Variants in QRSL1 observed in about 807,000 individuals in gnomAD.
QRSL1 encodes the protein glutamyl-tRNA(Gln) amidotransferase subunit A, mitochondrial.
A neutral mutation model predicts 61.6 loss-of-function variants in QRSL1; 54 were observed. The ratio of observed to expected loss-of-function variants is 0.88; its 90% CI spans 0.70 to 1.10. The LOEUF (loss-of-function observed/expected upper bound fraction) is 1.10, where lower values mean the gene tolerates loss of function less well. Ranked by LOEUF, QRSL1 falls within the 50% of genes least tolerant of loss-of-function variation. The probability of loss-of-function intolerance (pLI) is 0.00; values close to 1 mark genes in which losing one functional copy is unlikely to be tolerated. For synonymous variants in QRSL1, 228 were observed against 225.7 expected (o/e 1.01, Z -0.09); for missense variants, 505 against 622.6 (o/e 0.81, Z 2.01).
chr6:106,652,315 C>T lies in QRSL1; in HGVS notation c.664C>T (p.Pro222Ser). 6.2e-7 allele frequency: 1 copy of T among 1,614,158 alleles called. No homozygotes were observed. Among genetic ancestry groups the T allele is most frequent in the Non-Finnish European group, 8.5e-7 (1 of 1,180,036 alleles). Reference sequence around the variant, plus strand: ...CTTAGTTTCCCGTCATGGTCTCATTCCCCTGGTGAATTCGATGGATGTGCC... The same window carrying T: ...CTTAGTTTCCCGTCATGGTCTCATTTCCCTGGTGAATTCGATGGATGTGCC... Reference protein sequence around the residue: ...YGLVSRHGLIPLVNSMDVPGI... With the variant: ...YGLVSRHGLISLVNSMDVPGI... Residue 222 changes from proline to serine, a missense_variant, in exon 6 of 11, where the codon CCC becomes TCC. Physicochemically the swap from Pro to Ser is moderately conservative, Grantham distance 74. Transcript: ENST00000369046.
At chr6:106,662,925 A>C (rs1777379075) in intron 9 of QRSL1, 55 bp from the exon 10 acceptor site, 2 of 1,404,016 alleles carry the variant, frequency 1.4e-6, no homozygotes, top group African/African-American at 2.9e-5. Flanking sequence ...AAGATAATTG[A>C]TTAAAAGAAA....
intron 1 of QRSL1, 86 bp from the exon 2 acceptor site, chr6:106,640,263 C>T (rs1344259247): frequency 5.0e-6 from 6 of 1,202,578 alleles, no homozygotes; most frequent in Non-Finnish European, 7.3e-6. Context: ...TATACTTAGC[C>T]ACTCCATCTC....
rs1777446929 is a variant in QRSL1, at chr6:106,666,991, A to T, written c.*989A>T. 1 of 152,226 alleles carries T rather than the reference A, an allele frequency of 6.6e-6. No homozygotes were observed. The highest frequency in any genetic ancestry group is 2.1e-4 in the South Asian group (1 of 4,830). The allele number at this position is 152,226 out of a possible 1,614,324, so 9.4% of individuals were successfully genotyped here. On this transcript the variant is annotated 3_prime_UTR_variant, in exon 11 of 11. Transcript: ENST00000369046. Reference sequence around the variant, plus strand: ...TTTTACTTCTGCTATTCCGGAGCCCATGCCTAGAAGCCAGAACAACTCCAT... The same window carrying T: ...TTTTACTTCTGCTATTCCGGAGCCCTTGCCTAGAAGCCAGAACAACTCCAT...
Position 106,640,810 on chromosome 6 carries a change from CTTT to C in QRSL1, c.185-10_185-8del. 1 of 1,604,100 alleles carries C rather than the reference CTTT, an allele frequency of 6.2e-7. No individual in the cohort carries two copies. Among genetic ancestry groups the C allele is most frequent in the Non-Finnish European group, 8.5e-7 (1 of 1,171,912 alleles). On this transcript the variant is annotated splice_polypyrimidine_tract_variant and intron_variant, in intron 2 of 10. Coordinates refer to ENST00000369046, the MANE Select transcript of QRSL1 (RefSeq NM_018292.5). Reference sequence around the variant, plus strand: ...ACTATCTCCTTTATCACTCTTTTGGCTTTTTAATGCAGGACAGTCACTTGGGGA... The same window carrying C: ...ACTATCTCCTTTATCACTCTTTTGGCTTAATGCAGGACAGTCACTTGGGGA...
At chr6:106,655,533 A>AT in intron 8 of QRSL1, 82 bp from the exon 9 acceptor site, 1 of 778,894 alleles carries the variant, frequency 1.3e-6, no homozygotes, top group Non-Finnish European at 2.1e-6. Flanking sequence ...AAAAAAAAAA[A>AT]GTGAATCTAG....
rs1053317319 is a variant in QRSL1, at chr6:106,667,623, G to A, written c.*1621G>A. 3.3e-5 allele frequency: 5 copies of A among 152,036 alleles called. No individual in the cohort carries two copies. Among genetic ancestry groups the A allele is most frequent in the East Asian group, 1.9e-4 (1 of 5,196 alleles). 9.4% of individuals were successfully genotyped at this position (152,036 alleles called of 1,614,324 possible). On this transcript the variant is annotated 3_prime_UTR_variant, in exon 11 of 11. Transcript: ENST00000369046. ...TGCAGAACCACTGGAATGTTTCATC[G>A]TCACCTGTTAGTTTTCATAAACAGT...
chr6:106,634,627 A>G (rs1160823159), intron 1 of QRSL1, among the ~76,000 whole-genome samples: 1 of 152,104 alleles, frequency 6.6e-6, no homozygotes. Context: ...TTAGCTGGGC[A>G]TGGTGGTGCA....
intron 4 of QRSL1, among the ~76,000 whole-genome samples, chr6:106,647,570 AAAGAG>A (rs1777129033): frequency 6.6e-6 from 1 of 151,006 alleles, no homozygotes. Context: ...AAAAAAAAAA[AAAGAG>A]AGAGACAATG....
At chr6:106,641,734 A>G (rs560641766) in intron 3 of QRSL1, among the ~76,000 whole-genome samples, 1 of 152,264 alleles carries the variant, frequency 6.6e-6, no homozygotes, top group Non-Finnish European at 1.5e-5. Context: ...ATCTATTTCT[A>G]CTGGAAATAC....
In QRSL1 at chr6:106,640,844, A is replaced by G. The variant is rs781313013; in HGVS notation, c.206A>G (p.Asp69Gly). The G allele has an allele frequency of 3.7e-6, 6 of 1,613,722 alleles. No homozygotes were observed. Among genetic ancestry groups the G allele is most frequent in the Non-Finnish European group, 5.1e-6 (6 of 1,179,804 alleles). The change falls in exon 3 of 11, where the codon GAT becomes GGT. Residue 69 changes from aspartate to glycine, a missense_variant. By Grantham distance (94) the Asp-to-Gly change is moderately conservative. Transcript: ENST00000369046. ...YKNGQSLGDLDGIPIAVKDNF... is the reference protein window; with the variant it reads ...YKNGQSLGDLGGIPIAVKDNF... ...GCAGGACAGTCACTTGGGGATTTAG[A>G]TGGAATTCCTATTGCAGTAAAAGAC...
chr6:106,666,742 C>T lies in QRSL1; in HGVS notation c.*740C>T, dbSNP rs1222194349. 6.6e-6 allele frequency: 1 copy of T among 152,236 alleles called. No individual in the cohort carries two copies. The highest frequency in any genetic ancestry group is 1.5e-5 in the Non-Finnish European group (1 of 68,128). 9.4% of individuals were successfully genotyped at this position (152,236 alleles called of 1,614,324 possible). ...GCCGCCTCAGGGGTTGTTAAAAATGCACAGAAACAATTGAGTGCGATTATT... is the reference window on the plus strand; with the variant it reads ...GCCGCCTCAGGGGTTGTTAAAAATGTACAGAAACAATTGAGTGCGATTATT... On this transcript the variant is annotated 3_prime_UTR_variant, in exon 11 of 11. Transcript: ENST00000369046.
intron 4 of QRSL1, among the ~76,000 whole-genome samples, chr6:106,646,290 G>A (rs1777104037): frequency 6.6e-6 from 1 of 152,142 alleles, no homozygotes; most frequent in Non-Finnish European, 1.5e-5. Flanking sequence ...TGGACGTTAT[G>A]TGCCTCCAGA....
rs781490163 is a variant in QRSL1 at position 106,654,773 on chromosome 6, G to A, written c.893G>A (p.Trp298Ter). The A allele has an allele frequency of 8.1e-6, 13 of 1,612,600 alleles. No homozygotes were observed. In the South Asian group the frequency reaches 1.4e-4, roughly 18 times the overall value. ...TTATCAAGTGAAGTACAGTCTCTTTGGTCCAAAGCTGCTGACCTCTTTGAG... is the reference window on the plus strand; with the variant it reads ...TTATCAAGTGAAGTACAGTCTCTTTAGTCCAAAGCTGCTGACCTCTTTGAG... ...PELSSEVQSL[W>*]SKAADLFESE... The change falls in exon 8 of 11, where the codon TGG (tryptophan) becomes TAG (stop). Residue 298 changes from tryptophan to a stop codon, truncating the protein, a stop_gained. Coordinates refer to ENST00000369046, the MANE Select transcript of QRSL1 (RefSeq NM_018292.5). LOFTEE classifies it high-confidence loss of function.
chr6:106,641,918 A>G (rs1034835835), intron 3 of QRSL1, among the ~76,000 whole-genome samples: 1 of 152,274 alleles, frequency 6.6e-6, no homozygotes, highest in Non-Finnish European at 1.5e-5. Flanking sequence ...GGCACAGACT[A>G]TCTTTGGAAA....
intron 9 of QRSL1, among the ~76,000 whole-genome samples, chr6:106,661,115 G>GT (rs1280891208): frequency 6.8e-6 from 1 of 146,308 alleles, no homozygotes; most frequent in South Asian, 2.3e-4. Flanking sequence ...GTTTTGTTTT[G>GT]TTTTGTTTTT....
intron 4 of QRSL1, among the ~76,000 whole-genome samples, chr6:106,648,518 T>G (rs1777148617): frequency 6.6e-6 from 1 of 152,138 alleles, no homozygotes; most frequent in Admixed American, 6.5e-5. Flanking sequence ...AGCACACAAG[T>G]AGTAAAGCAA....
At chr6:106,660,486 T>C (rs1777339914) in intron 9 of QRSL1, among the ~76,000 whole-genome samples, 1 of 152,198 alleles carries the variant, frequency 6.6e-6, no homozygotes, top group Admixed American at 6.5e-5. Context: ...TTACTTCATT[T>C]GTTTCTCTTC....
At chr6:106,640,039 G>A in intron 1 of QRSL1, 1 of 214,044 alleles carries the variant, frequency 4.7e-6, no homozygotes, top group East Asian at 1.2e-4. Context: ...CTTCACCCAT[G>A]CTGGGCCTCA....
chr6:106,633,950 A>T (rs1046726659), intron 1 of QRSL1, among the ~76,000 whole-genome samples: 7 of 65,652 alleles, frequency 1.1e-4, no homozygotes, highest in African/African-American at 8.8e-4. Flanking sequence ...AAACACTTTA[A>T]AAAAAAAAAA....
Sources: allele counts gnomAD v4.1 joint callset (sites outside exome capture counted in the v4.1 genomes callset), GRCh38; gene constraint gnomAD v4.1.1; transcripts MANE v1.5; gene names NCBI Gene and HGNC (gene_info 2026-07-23, HGNC 2026-07-21).